The following CROCC variants were observed in gnomAD, a reference collection of about 807,000 sequenced individuals.
CROCC encodes rootletin.
Under a neutral mutation model 245.2 loss-of-function variants are expected in CROCC, and 180 were observed. The observed-to-expected ratio is 0.73, with a 90% confidence interval of 0.65 to 0.83. The LOEUF (loss-of-function observed/expected upper bound fraction) is 0.83, where lower values mean the gene tolerates loss of function less well. Among genes scored for constraint, CROCC ranks in the 40% least tolerant of loss-of-function variants. The probability of loss-of-function intolerance (pLI) is 0.00; values close to 1 mark genes in which losing one functional copy is unlikely to be tolerated. For missense variants in CROCC, 2,688 were observed against 2,779.4 expected, an observed-to-expected ratio of 0.97 and a Z score of 0.74; for synonymous variants, 1,205 against 1,241.6, an observed-to-expected ratio of 0.97 and a Z score of 0.62.
At chr1:16,915,417 G>A (rs1323611778) in intron 1 of CROCC, among the ~76,000 whole-genome samples, 2 of 152,290 alleles carry the variant, frequency 1.3e-5, no homozygotes, top group Non-Finnish European at 2.9e-5. Context: ...GGGAGGCTGA[G>A]GTGGGAGGAC....
rs970507687 is a variant in CROCC, at chr1:16,972,914, A to G, written c.*468A>G. 6 of 153,034 alleles carry G rather than the reference A, an allele frequency of 3.9e-5. No individual in the cohort carries two copies. The highest frequency in any genetic ancestry group is 1.9e-4 in the East Asian group (1 of 5,220). The allele number at this position is 153,034 out of a possible 1,614,324, so 9.5% of individuals were successfully genotyped here. The stretch of plus-strand genomic sequence containing the variant: ...CCCTGTATTTTTATACCTTTTTACA[A>G]TGTTAACTGTTCAGAACTGTTTTTT... On this transcript the variant is annotated 3_prime_UTR_variant, in exon 37 of 37. Transcript: ENST00000375541.
At chr1:16,945,889 A>G (rs1272304857) in intron 15 of CROCC, among the ~76,000 whole-genome samples, 2 of 152,248 alleles carry the variant, frequency 1.3e-5, no homozygotes, top group Non-Finnish European at 2.9e-5. Flanking sequence ...AGTGCCTGAG[A>G]CTCAGCTCCT....
At chr1:16,917,128 CA>C (rs1335594991), upstream of CROCC, among the ~76,000 whole-genome samples, 2 of 152,288 alleles carry the variant, frequency 1.3e-5, no homozygotes, top group East Asian at 3.9e-4. Context: ...AAAAACAAAA[CA>C]AAACAAAAAA....
At chr1:16,924,864 C>T (rs1173839647) in intron 3 of CROCC, among the ~76,000 whole-genome samples, 7 of 152,268 alleles carry the variant, frequency 4.6e-5, no homozygotes, top group Admixed American at 6.5e-5. Flanking sequence ...GGGGTTGAGG[C>T]GGTGGCTGGA....
chr1:16,938,291 A>C (rs562974968), intron 10 of CROCC, 109 bp from the exon 11 acceptor site: 2 of 1,054,070 alleles, frequency 1.9e-6, no homozygotes, highest in South Asian at 3.2e-5. Flanking sequence ...GCCTATGGAC[A>C]TGGCTTCAGA....
In CROCC at chr1:16,922,891, C is replaced by T. The variant is rs1366979385; in HGVS notation, c.196+93C>T. 8.0e-6 allele frequency: 12 copies of T among 1,498,334 alleles called. No homozygotes were observed. In the East Asian group the frequency reaches 2.3e-4, roughly 28 times the overall value. 92.8% of individuals were successfully genotyped at this position (1,498,334 alleles called of 1,614,324 possible). On this transcript the variant is annotated intron_variant, in intron 2 of 36. Coordinates refer to ENST00000375541, the MANE Select transcript of CROCC (RefSeq NM_014675.5). The stretch of plus-strand genomic sequence containing the variant: ...TGAGCAGTCACCATGATGATCATGA[C>T]TGTAACTCACTGTGGGGCAGGCACA...
intron 32 of CROCC, 106 bp downstream of exon 32, chr1:16,969,446 G>A: frequency 8.7e-7 from 1 of 1,151,720 alleles, no homozygotes; most frequent in Non-Finnish European, 1.3e-6. Context: ...GGGGCAGTCA[G>A]TTGGAGCCAA....
In CROCC at chr1:16,960,889, G is replaced by T; in HGVS notation, c.4164G>T (p.Glu1388Asp). ...KQQLDHARGL[E>D]LKLEAARAEA... ...AGCTGGACCACGCCCGCGGCCTGGA[G>T]CTGAAGCTGGAGGCGGCGCGGGCCG... Residue 1388 changes from glutamate (E) to aspartate (D), a missense_variant, in exon 27 of 37, where the codon GAG (glutamate) becomes GAT (aspartate). This residue lies in a region of CROCC where 1,218 missense variants were observed against 1,286.3 expected (regional missense o/e 0.95). Coordinates refer to ENST00000375541, the MANE Select transcript of CROCC (RefSeq NM_014675.5). 6.6e-7 allele frequency: 1 copy of T among 1,511,012 alleles called. No individual in the cohort carries two copies. The highest frequency in any genetic ancestry group is 2.1e-5 in the Admixed American group (1 of 48,330). The allele number at this position is 1,511,012 out of a possible 1,614,324, so 93.6% of individuals were successfully genotyped here.
chr1:16,914,884 T>A (rs1192856341), intron 1 of CROCC, among the ~76,000 whole-genome samples: 1 of 152,270 alleles, frequency 6.6e-6, no homozygotes, highest in Admixed American at 6.5e-5. Flanking sequence ...GGAGGAGGAC[T>A]TCAGGGTGCC....
rs376548720 is a variant in CROCC, at chr1:16,963,894, C to T, written c.4406-1829C>T. 5.9e-5 allele frequency among the ~76,000 whole-genome samples: 9 copies of T among 152,136 alleles called. No individual in the cohort carries two copies. In the East Asian group the frequency reaches 1.5e-3, roughly 26 times the overall value. On this transcript the variant is annotated intron_variant, in intron 27 of 36. Coordinates refer to ENST00000375541, the MANE Select transcript of CROCC (RefSeq NM_014675.5). ...CACTGCAACCTCCGCCTGCTGGGTT[C>T]AAGCGATTCTCCTGCCTCAGCCTCC...
In CROCC at chr1:16,954,850, C is replaced by T; in HGVS notation, c.3438C>T (p.Gly1146=). 2 of 1,542,830 alleles carry T rather than the reference C, an allele frequency of 1.3e-6. No homozygotes were observed. The highest frequency in any genetic ancestry group is 1.8e-6 in the Non-Finnish European group (2 of 1,140,138). The change falls in exon 23 of 37, where the codon GGC becomes GGT. Residue 1146 remains glycine, a synonymous_variant. Transcript: ENST00000375541. The surrounding 1 kb of genome is among the most constrained non-coding windows in gnomAD (Gnocchi z 4.4). ...TGCAAGAGCAGGCCCGAGACCTGGG[C>T]AAGCAGCGGGACTCCTGTCTTCGCG... ...RRLQEQARDL[G]KQRDSCLREA... is the part of the protein sequence containing the mutation.
upstream of CROCC, among the ~76,000 whole-genome samples, chr1:16,917,105 C>G (rs1447585285): frequency 4.6e-5 from 7 of 152,286 alleles, no homozygotes; most frequent in Non-Finnish European, 7.3e-5. Flanking sequence ...GTGACAGAGC[C>G]AGACTCCATC....
intron 3 of CROCC, among the ~76,000 whole-genome samples, chr1:16,927,015 C>T (rs201568759): frequency 1.2e-4 from 19 of 152,376 alleles, no homozygotes; most frequent in Middle Eastern, 3.4e-3. Context: ...AACCCAGCAA[C>T]GGCCTGAACC....
At chr1:16,927,455 T>A (rs1411782215) in intron 3 of CROCC, among the ~76,000 whole-genome samples, 1 of 152,132 alleles carries the variant, frequency 6.6e-6, no homozygotes, top group African/African-American at 2.4e-5. Context: ...CCCACCCACA[T>A]GCGGTTGTAC....
chr1:16,953,607 T>G, intron 21 of CROCC, 126 bp downstream of exon 21: 3 of 864,878 alleles, frequency 3.5e-6, no homozygotes, highest in Non-Finnish European at 5.2e-6. Flanking sequence ...GGGCCTCAGT[T>G]TCCTTACCTG....
chr1:16,922,574 C>T, intron 1 of CROCC, 89 bp from the exon 2 acceptor site: 1 of 1,497,692 alleles, frequency 6.7e-7, no homozygotes, highest in Non-Finnish European at 8.9e-7. Flanking sequence ...GGACCTGTAT[C>T]TTGGGCAGTA....
chr1:16,952,308 C>A (rs2076175492), intron 20 of CROCC, among the ~76,000 whole-genome samples: 1 of 151,810 alleles, frequency 6.6e-6, no homozygotes, highest in Non-Finnish European at 1.5e-5. Context: ...CACAGTGAAA[C>A]CCCATCTCTA....
At chr1:16,927,598 C>T (rs559743395) in intron 3 of CROCC, among the ~76,000 whole-genome samples, 4 of 152,266 alleles carry the variant, frequency 2.6e-5, no homozygotes, top group African/African-American at 4.8e-5. Flanking sequence ...ACCAAACAGT[C>T]GACGTGAACT....
chr1:16,960,560 A>G (rs1041771146), intron 26 of CROCC, among the ~76,000 whole-genome samples, 198 bp from the exon 27 acceptor site: 1 of 152,244 alleles, frequency 6.6e-6, no homozygotes, highest in Admixed American at 6.5e-5. Flanking sequence ...TATAAAGAAT[A>G]AAGAGATTAA....
Sources: gnomAD v4.1 joint callset for allele counts (sites outside exome capture counted in the v4.1 genomes callset) on GRCh38, gnomAD v4.1.1 for gene constraint, gnomAD v4.1.1 regional missense constraint, Gnocchi (gnomAD v3.1) non-coding constraint, MANE v1.5 for transcripts, NCBI Gene and HGNC (gene_info 2026-07-23, HGNC 2026-07-21) for gene names.